The following GPHN variants were observed in gnomAD, a reference collection of about 807,000 sequenced individuals.
GPHN encodes the protein gephyrin.
Under a neutral mutation model 95.5 loss-of-function variants are expected in GPHN, and 17 were observed. That is an observed-to-expected ratio of 0.18 (90% CI 0.12 to 0.27). The LOEUF (loss-of-function observed/expected upper bound fraction) is 0.27. Among genes scored for constraint, GPHN ranks in the 10% least tolerant of loss-of-function variants. The pLI is 1.00. For synonymous variants in GPHN, 320 were observed against 322.5 expected, an observed-to-expected ratio of 0.99 and a Z score of 0.08; for missense variants, 660 against 978.1, an observed-to-expected ratio of 0.67 and a Z score of 4.34.
At chr14:67,660,257 T>C in the GPHN span, 2 of 169,404 alleles carry the variant, frequency 1.2e-5, no homozygotes, top group East Asian at 1.7e-4. Context: ...CCATTTCATA[T>C]ATAAGACTTA....
intron 1 of GPHN, among the ~76,000 whole-genome samples, chr14:66,677,849 G>A (rs1416488804): frequency 6.6e-6 from 1 of 152,106 alleles, no homozygotes; most frequent in East Asian, 1.9e-4. Context: ...ATTTTTGAAG[G>A]ATAACTTTGT....
intron 1 of GPHN, among the ~76,000 whole-genome samples, chr14:66,524,915 T>C (rs914348288): frequency 6.6e-6 from 1 of 152,208 alleles, no homozygotes; most frequent in Non-Finnish European, 1.5e-5. Flanking sequence ...GCATTTGGGT[T>C]GGTTCCAAGT....
At chr14:67,193,979 A>G in the GPHN span, among the ~76,000 whole-genome samples, 1 of 140,168 alleles carries the variant, frequency 7.1e-6, no homozygotes, top group Non-Finnish European at 1.5e-5. Flanking sequence ...AAACAAAAAA[A>G]AAAACAGAAA....
chr14:67,242,757 A>G, the GPHN span, among the ~76,000 whole-genome samples: 2 of 152,228 alleles, frequency 1.3e-5, no homozygotes, highest in Non-Finnish European at 2.9e-5. Flanking sequence ...CAAAAATAGG[A>G]AAAGCAATTC....
chr14:67,376,661 C>T, the GPHN span: 5 of 1,510,118 alleles, frequency 3.3e-6, no homozygotes, highest in Non-Finnish European at 4.5e-6. Context: ...AACAGCATAG[C>T]ATCCATGTAT....
At chr14:67,047,174 T>C (rs1202985035) in intron 10 of GPHN, among the ~76,000 whole-genome samples, 2 of 152,112 alleles carry the variant, frequency 1.3e-5, no homozygotes, top group East Asian at 1.9e-4. Flanking sequence ...TTATGTAGTT[T>C]AGGGAGCTTT....
Position 66,977,714 on chromosome 14 carries a change from A to C in GPHN, c.963+12389A>C, listed in dbSNP as rs571205136. Among the ~76,000 whole-genome samples the C allele has an allele frequency of 1.1e-4, 16 of 152,364 alleles. No homozygotes were observed. In the South Asian group the frequency reaches 3.3e-3, roughly 32 times the overall value. ...ATGTATAGTTTAAAAATTAGTAAACAATACTGTGTAGGAATAGAATAGCAA... is the reference window on the plus strand; with the variant it reads ...ATGTATAGTTTAAAAATTAGTAAACCATACTGTGTAGGAATAGAATAGCAA... On this transcript the variant is annotated intron_variant, in intron 9 of 22. Transcript: ENST00000478722.
At chr14:66,778,362 A>G (rs1416283471) in intron 3 of GPHN, among the ~76,000 whole-genome samples, 3 of 152,186 alleles carry the variant, frequency 2.0e-5, no homozygotes, top group African/African-American at 7.2e-5. Context: ...TCCTTTGAAA[A>G]CACGATATGC....
chr14:67,436,035 A>G, the GPHN span, among the ~76,000 whole-genome samples: 1 of 152,240 alleles, frequency 6.6e-6, no homozygotes. Context: ...TGGCTCCCAG[A>G]GGGCTTACTT....
the GPHN span, chr14:67,599,875 T>C: frequency 1.6e-6 from 1 of 613,900 alleles, no homozygotes; most frequent in Non-Finnish European, 2.9e-6. Flanking sequence ...CAGCGGAATA[T>C]CGTCCCCAGA....
the GPHN span, among the ~76,000 whole-genome samples, chr14:67,457,000 C>G: frequency 4.1e-4 from 62 of 152,280 alleles, no homozygotes; most frequent in Non-Finnish European, 8.2e-4. Context: ...AGCTGGAAGC[C>G]ATTATCCTGA....
the GPHN span, chr14:67,447,485 A>AT: frequency 6.6e-6 from 1 of 152,240 alleles, no homozygotes. Context: ...TAATAGCATT[A>AT]TGATAGTAAG....
At chr14:67,465,166 C>T in the GPHN span, among the ~76,000 whole-genome samples, 1 of 152,244 alleles carries the variant, frequency 6.6e-6, no homozygotes, top group Admixed American at 6.5e-5. Context: ...TTCCAGGCGC[C>T]AGGACTGGGT....
chr14:66,889,069 C>T (rs1432253782), intron 5 of GPHN, among the ~76,000 whole-genome samples: 1 of 151,972 alleles, frequency 6.6e-6, no homozygotes, highest in African/African-American at 2.4e-5. Context: ...CATTTATGCA[C>T]TTAATAATAG....
At chr14:67,527,506 G>A in the GPHN span, among the ~76,000 whole-genome samples, 1 of 152,142 alleles carries the variant, frequency 6.6e-6, no homozygotes, top group East Asian at 1.9e-4. Context: ...CAATAAATAT[G>A]GCTTTAAATG....
chr14:67,450,953 G>A, the GPHN span, among the ~76,000 whole-genome samples: 3 of 152,198 alleles, frequency 2.0e-5, no homozygotes, highest in Non-Finnish European at 2.9e-5. Flanking sequence ...AAGTGGTTTT[G>A]TGAGCCAGGC....
the GPHN span, among the ~76,000 whole-genome samples, chr14:67,342,391 A>G: frequency 6.6e-6 from 1 of 151,676 alleles, no homozygotes; most frequent in African/African-American, 2.4e-5. Flanking sequence ...CTATGAATAT[A>G]TAACATTGAA....
At chr14:66,792,105 C>T (rs1053861335) in intron 3 of GPHN, among the ~76,000 whole-genome samples, 6 of 152,124 alleles carry the variant, frequency 3.9e-5, no homozygotes, top group African/African-American at 1.4e-4. Context: ...TGGCGCTGCC[C>T]ATGACACATG....
the GPHN span, chr14:67,619,972 C>T: frequency 6.3e-6 from 10 of 1,575,422 alleles, no homozygotes; most frequent in Admixed American, 1.5e-4. Flanking sequence ...CTCAGTGCTG[C>T]GGATCATGTC....
Sources: allele counts gnomAD v4.1 joint callset (sites outside exome capture counted in the v4.1 genomes callset), GRCh38; gene constraint gnomAD v4.1.1; transcripts MANE v1.5; gene names NCBI Gene and HGNC (gene_info 2026-07-23, HGNC 2026-07-21).